Variants in GSTO2 observed in about 807,000 individuals in gnomAD.
GSTO2 encodes the protein glutathione S-transferase omega 2, also known as glutathione S-transferase omega-2.
GSTO2 carries 23 observed loss-of-function variants against 28.4 expected under a neutral mutation model. That is an observed-to-expected ratio of 0.81 (90% CI 0.58 to 1.15). The LOEUF is 1.15. GSTO2 is among the 50% of genes most tolerant of loss of function. GSTO2 has a pLI of 0.00. For synonymous variants in GSTO2, 109 were observed against 111.0 expected (o/e 0.98, Z 0.11); for missense variants, 298 against 297.8 (o/e 1.00, Z 0.00).
chr10:104,277,910 A>G lies in GSTO2; in HGVS notation c.160A>G (p.Ile54Val), dbSNP rs745641117. ...AKDIRHEVVN[I>V]NLRNKPEWYY... ...CTTTTTAAGACATGAAGTGGTCAAC[A>G]TTAACCTGAGAAACAAGCCTGAATG... The change falls in exon 4 of 7, where the codon ATT becomes GTT. Residue 54 changes from isoleucine to valine, a missense_variant. Transcript: ENST00000338595. The G allele has an allele frequency of 1.2e-6, 2 of 1,613,810 alleles. No homozygotes were observed. The highest frequency in any genetic ancestry group is 2.2e-5 in the East Asian group (1 of 44,872).
At chr10:104,269,365 G>C (rs1269448821) in intron 1 of GSTO2, 96 bp downstream of exon 1, 1 of 152,272 alleles carries the variant, frequency 6.6e-6, no homozygotes, top group Non-Finnish European at 1.5e-5. Flanking sequence ...GCCCACAGTA[G>C]GCTTGCCAAC....
chr10:104,272,586 A>ATTTT (rs1564841555), intron 1 of GSTO2, among the ~76,000 whole-genome samples: 2 of 56,900 alleles, frequency 3.5e-5, no homozygotes, highest in Non-Finnish European at 8.7e-5. Context: ...CAGTTATGGG[A>ATTTT]CTTTTTTTTT....
intron 1 of GSTO2, among the ~76,000 whole-genome samples, chr10:104,272,489 A>G (rs1023610398): frequency 6.8e-6 from 1 of 147,932 alleles, no homozygotes; most frequent in African/African-American, 2.5e-5. Flanking sequence ...CAGGGTTCCT[A>G]GTCCTCCCTC....
Position 104,289,541 on chromosome 10 carries a change from G to C in GSTO2, c.469-8037G>C, listed in dbSNP as rs368681525. 1.5e-4 allele frequency among the ~76,000 whole-genome samples: 23 copies of C among 152,340 alleles called. No homozygotes were observed. In the East Asian group the frequency reaches 1.9e-3, roughly 13 times the overall value. The stretch of plus-strand genomic sequence containing the variant: ...CTAGGTCATAACTGATGGGCAGCAG[G>C]AGGGGCATGTTCTGCTGCAGGTCCT... On this transcript the variant is annotated intron_variant, in intron 5 of 6. Transcript: ENST00000338595.
chr10:104,277,864 TTC>T (rs2011732836), intron 3 of GSTO2, 28 bp from the exon 4 acceptor site: 1 of 1,497,218 alleles, frequency 6.7e-7, no homozygotes, highest in African/African-American at 1.4e-5. Context: ...CTCATTTTTG[TTC>T]TGTCTTGTTT....
intron 3 of GSTO2, 93 bp downstream of exon 3, chr10:104,275,427 A>G (rs2011587088): frequency 8.8e-7 from 1 of 1,132,268 alleles, no homozygotes; most frequent in Admixed American, 2.2e-5. Context: ...CTCAGCTTTT[A>G]CAAGGGGCTC....
chr10:104,276,955 T>C (rs529262711), intron 3 of GSTO2, among the ~76,000 whole-genome samples: 1 of 152,280 alleles, frequency 6.6e-6, no homozygotes, highest in South Asian at 2.1e-4. Flanking sequence ...GAAGAAGAAT[T>C]AAAAAAGTTA....
At chr10:104,294,708 A>G (rs1402475758) in intron 5 of GSTO2, among the ~76,000 whole-genome samples, 1 of 152,222 alleles carries the variant, frequency 6.6e-6, no homozygotes, top group African/African-American at 2.4e-5. Flanking sequence ...TCACCGATCC[A>G]TTTATTCCTA....
intron 5 of GSTO2, among the ~76,000 whole-genome samples, chr10:104,294,062 G>A (rs2012913265): frequency 6.6e-6 from 1 of 152,110 alleles, no homozygotes; most frequent in African/African-American, 2.4e-5. Flanking sequence ...GGAAACTCAA[G>A]AGTCAAATTC....
At chr10:104,278,923 C>T (rs1362884463) in intron 4 of GSTO2, among the ~76,000 whole-genome samples, 1 of 152,294 alleles carries the variant, frequency 6.6e-6, no homozygotes, top group East Asian at 1.9e-4. Flanking sequence ...TTAAAAACCT[C>T]AATGATATTA....
In GSTO2 at chr10:104,279,400, G is replaced by A. The variant is rs747095307; in HGVS notation, c.397G>A (p.Ala133Thr). Reference protein sequence around the residue: ...VPHLTKECLVALRCGRECTNL... With the variant: ...VPHLTKECLVTLRCGRECTNL... ...ACATTTGACCAAGGAGTGCCTGGTAGCGTTGAGATGTGGGAGAGAATGCAC... is the reference window on the plus strand; with the variant it reads ...ACATTTGACCAAGGAGTGCCTGGTAACGTTGAGATGTGGGAGAGAATGCAC... Residue 133 changes from alanine to threonine, a missense_variant, in exon 5 of 7, where the codon GCG (alanine) becomes ACG (threonine). Ala to Thr is a moderately conservative substitution (Grantham distance 58). Coordinates refer to ENST00000338595, the MANE Select transcript of GSTO2 (RefSeq NM_183239.2). The A allele has an allele frequency of 1.9e-5, 30 of 1,613,968 alleles. No individual in the cohort carries two copies. Among genetic ancestry groups the A allele is most frequent in the Non-Finnish European group, 2.4e-5 (28 of 1,179,960 alleles).
At position 104,272,587 on chromosome 10, in the gene GSTO2, C is replaced by CTTTTTTTTTTTTTTTTTTTTT. The variant is rs768279768; in HGVS notation, c.-231-2074_-231-2054dup. ...GAATCAAAATAGAACAGTTATGGGA[C>CTTTTTTTTTTTTTTTTTTTTT]TTTTTTTTTTTTTTTTTTTTTTTTT... On this transcript the variant is annotated intron_variant, in intron 1 of 6. Coordinates refer to ENST00000338595, the MANE Select transcript of GSTO2 (RefSeq NM_183239.2). 2.4e-4 allele frequency among the ~76,000 whole-genome samples: 12 copies of CTTTTTTTTTTTTTTTTTTTTT among 49,308 alleles called. 4 individuals are homozygous for CTTTTTTTTTTTTTTTTTTTTT. The highest frequency in any genetic ancestry group is 2.6e-4 in the Non-Finnish European group (7 of 26,482). The allele number at this position is 49,308 out of a possible 152,430, so 32.3% of individuals were successfully genotyped here.
At position 104,299,669 on chromosome 10, in the gene GSTO2, G is replaced by C. The variant is rs1318464654; in HGVS notation, c.*385G>C. The C allele has an allele frequency of 4.4e-6, 1 of 229,674 alleles. No individual in the cohort carries two copies. Among genetic ancestry groups the C allele is most frequent in the African/African-American group, 2.4e-5 (1 of 41,952 alleles). 14.2% of individuals were successfully genotyped at this position (229,674 alleles called of 1,614,324 possible). A position where few individuals can be genotyped will look rare whatever the true frequency, so the allele number is the denominator to read the frequency against. On this transcript the variant is annotated 3_prime_UTR_variant, in exon 7 of 7. Transcript: ENST00000338595. ...TTTTAAAAAAATGTTGTTGAGACAG[G>C]GTCTCACTATGTTGCTCAGGCTGGT... is the stretch of plus-strand genomic sequence containing the variant.
chr10:104,299,070 A>G (rs2013171027), intron 6 of GSTO2, 58 bp from the exon 7 acceptor site: 5 of 1,465,926 alleles, frequency 3.4e-6, no homozygotes. Context: ...AGCAACGTGC[A>G]TCCCCTTTCC....
In GSTO2 at chr10:104,275,251, G is replaced by C; in HGVS notation, c.60G>C (p.Pro20=). The change falls in exon 3 of 7, where the codon CCG becomes CCC. Residue 20 remains proline, a synonymous_variant. Transcript: ENST00000338595. ...GKGSQPPGPV[P]EGLIRIYSMR... ...GAAGCCAGCCCCCAGGGCCAGTCCC[G>C]GAGGGGCTGATCCGCATCTACAGCA... 6.2e-7 allele frequency: 1 copy of C among 1,613,878 alleles called. No individual in the cohort carries two copies. Among genetic ancestry groups the C allele is most frequent in the Non-Finnish European group, 8.5e-7 (1 of 1,179,900 alleles).
rs1018023414 is a variant in GSTO2, at chr10:104,271,369, A to G, written c.-232+2100A>G. On this transcript the variant is annotated intron_variant, in intron 1 of 6. Coordinates refer to ENST00000338595, the MANE Select transcript of GSTO2 (RefSeq NM_183239.2). ...AAAATTGGAATGCACTCTGCTATTT[A>G]AAATGTGTTCTTACTCACTAGCGTT... 1.2e-4 allele frequency among the ~76,000 whole-genome samples: 18 copies of G among 152,388 alleles called. No homozygotes were observed. The Middle Eastern group carries it at 0.01, about 86-fold the overall frequency.
Position 104,299,484 on chromosome 10 carries a change from CTTTTT to C in GSTO2, c.*207_*211del, listed in dbSNP as rs960007905. The C allele has an allele frequency of 5.0e-6, 2 of 399,688 alleles. No individual in the cohort carries two copies. Among genetic ancestry groups the C allele is most frequent in the Non-Finnish European group, 4.3e-6 (1 of 232,620 alleles). 24.8% of individuals were successfully genotyped at this position (399,688 alleles called of 1,614,324 possible). On this transcript the variant is annotated 3_prime_UTR_variant, in exon 7 of 7. Transcript: ENST00000338595. ...CTGCTGCTACTGCTGCTTTTTTTTC[CTTTTT>C]TTTTTTGAGGCAAGATCTTGCTTCG... is the stretch of plus-strand genomic sequence containing the variant.
chr10:104,299,531 G>A lies in GSTO2; in HGVS notation c.*247G>A. ...CTTGCTTCGTTACTCAGGCTGGAGT[G>A]CAGTGGGACAGTCGGCTCACTGCAG... On this transcript the variant is annotated 3_prime_UTR_variant, in exon 7 of 7. Coordinates refer to ENST00000338595, the MANE Select transcript of GSTO2 (RefSeq NM_183239.2). 1 of 426,184 alleles carries A rather than the reference G, an allele frequency of 2.3e-6. No individual in the cohort carries two copies. Among genetic ancestry groups the A allele is most frequent in the Non-Finnish European group, 4.2e-6 (1 of 238,258 alleles). 26.4% of individuals were successfully genotyped at this position (426,184 alleles called of 1,614,324 possible). A position where few individuals can be genotyped will look rare whatever the true frequency, so the allele number is the denominator to read the frequency against.
intron 4 of GSTO2, 47 bp downstream of exon 4, chr10:104,278,163 G>A: frequency 6.8e-7 from 1 of 1,467,734 alleles, no homozygotes; most frequent in Non-Finnish European, 9.4e-7. Context: ...TACTTTGCAT[G>A]TCTTTCCCAA....
Sources: gnomAD v4.1 joint callset for allele counts (sites outside exome capture counted in the v4.1 genomes callset) on GRCh38, gnomAD v4.1.1 for gene constraint, MANE v1.5 for transcripts, NCBI Gene and HGNC (gene_info 2026-07-23, HGNC 2026-07-21) for gene names.